Variants in PDE11A observed in about 807,000 individuals in gnomAD.
PDE11A encodes the protein phosphodiesterase 11A, also known as dual 3',5'-cyclic-AMP and -GMP phosphodiesterase 11A.
Under a neutral mutation model 100.5 loss-of-function variants are expected in PDE11A, and 100 were observed. The observed-to-expected ratio is 1.00, with a 90% CI of 0.85 to 1.18. The LOEUF is 1.18. Ranked by LOEUF, PDE11A falls within the 50% of genes most tolerant of loss-of-function variation. The probability of loss-of-function intolerance (pLI) is 0.00; values close to 1 mark genes in which losing one functional copy is unlikely to be tolerated. For missense variants in PDE11A, 1,141 were observed against 1,152.6 expected (o/e 0.99, Z 0.15); for synonymous variants, 381 against 420.8 (o/e 0.91, Z 1.16).
At chr2:177,707,521 C>G (rs561673011) in intron 13 of PDE11A, among the ~76,000 whole-genome samples, 4 of 152,260 alleles carry the variant, frequency 2.6e-5, no homozygotes, top group African/African-American at 9.6e-5. Context: ...CTCCGTTCTG[C>G]TTCTCTTTGA....
At chr2:177,882,165 C>T (rs1281042179) in intron 4 of PDE11A, among the ~76,000 whole-genome samples, 1 of 152,180 alleles carries the variant, frequency 6.6e-6, no homozygotes, top group East Asian at 1.9e-4. Flanking sequence ...CTTTCACGCT[C>T]ACAAGTGTCT....
chr2:177,646,414 T>C (rs1417143186), intron 19 of PDE11A, among the ~76,000 whole-genome samples: 1 of 152,238 alleles, frequency 6.6e-6, no homozygotes, highest in African/African-American at 2.4e-5. Context: ...CTTGGAGTTC[T>C]TCATATGTGA....
intron 4 of PDE11A, among the ~76,000 whole-genome samples, chr2:177,894,681 T>G (rs925419285): frequency 6.6e-6 from 1 of 152,110 alleles, no homozygotes; most frequent in Non-Finnish European, 1.5e-5. Flanking sequence ...ATATACCAAA[T>G]TATAAACAAG....
intron 2 of PDE11A, among the ~76,000 whole-genome samples, chr2:177,918,646 A>G (rs942533886): frequency 1.3e-5 from 2 of 152,224 alleles, no homozygotes; most frequent in Admixed American, 1.3e-4. Flanking sequence ...ATAGAGTCAC[A>G]GCTACAGAAG....
intron 2 of PDE11A, among the ~76,000 whole-genome samples, chr2:177,907,258 G>A (rs184539512): frequency 1.3e-5 from 2 of 152,106 alleles, no homozygotes; most frequent in Admixed American, 6.6e-5. Flanking sequence ...ATCTGTAAAT[G>A]CCAGGTTTAT....
intron 1 of PDE11A, among the ~76,000 whole-genome samples, chr2:178,105,381 C>T (rs949660311): frequency 1.3e-5 from 2 of 152,122 alleles, no homozygotes; most frequent in African/African-American, 2.4e-5. Context: ...ATTGCTTGAA[C>T]CTGGGAGGCG....
chr2:177,769,614 G>A (rs1462037224), intron 9 of PDE11A, among the ~76,000 whole-genome samples: 1 of 152,164 alleles, frequency 6.6e-6, no homozygotes, highest in African/African-American at 2.4e-5. Context: ...ATGGCCAGGT[G>A]CAGTGCTTCG....
intron 1 of PDE11A, among the ~76,000 whole-genome samples, chr2:178,046,726 T>C (rs1329690223): frequency 6.6e-6 from 1 of 152,182 alleles, no homozygotes; most frequent in Non-Finnish European, 1.5e-5. Flanking sequence ...AGATTCTCTT[T>C]ACTCTTCTCG....
At chr2:177,775,628 C>T (rs941478400) in intron 9 of PDE11A, among the ~76,000 whole-genome samples, 3 of 152,190 alleles carry the variant, frequency 2.0e-5, no homozygotes, top group Non-Finnish European at 4.4e-5. Context: ...CTGTCTTCTA[C>T]ACACTTGGCC....
intron 9 of PDE11A, among the ~76,000 whole-genome samples, chr2:177,788,875 T>G (rs890766968): frequency 1.3e-5 from 2 of 151,928 alleles, no homozygotes; most frequent in African/African-American, 4.8e-5. Context: ...AATAACAGGA[T>G]CTGAAATTGT....
chr2:177,659,329 A>C (rs1238393781), intron 19 of PDE11A, among the ~76,000 whole-genome samples: 1 of 151,828 alleles, frequency 6.6e-6, no homozygotes, highest in East Asian at 1.9e-4. Context: ...TGTAAATCTT[A>C]ACATTAGCAG....
At chr2:178,096,164 C>CTTT (rs1257178630) in intron 2 of PDE11A, among the ~76,000 whole-genome samples, 29 of 110,258 alleles carry the variant, frequency 2.6e-4, no homozygotes, top group African/African-American at 4.9e-4. Context: ...TTTTTCTTTT[C>CTTT]TTTTCTTTTT....
rs928647964 is a variant in PDE11A, at chr2:177,697,242, T to C, written c.2345+90A>G. Reference sequence around the variant, plus strand: ...CTGGTTTACACATTGATATCAATGCTAGAATAACAGGTAACCTCCAGTGTA... The same window carrying C: ...CTGGTTTACACATTGATATCAATGCCAGAATAACAGGTAACCTCCAGTGTA... On this transcript the variant is annotated intron_variant, in intron 15 of 19. Coordinates refer to ENST00000286063, the MANE Select transcript of PDE11A (RefSeq NM_016953.4). 5.2e-6 allele frequency: 4 copies of C among 768,146 alleles called. No individual in the cohort carries two copies. The Admixed American group carries it at 6.9e-5, about 13-fold the overall frequency. The allele number at this position is 768,146 out of a possible 1,614,324, so 47.6% of individuals were successfully genotyped here. A position where few individuals can be genotyped will look rare whatever the true frequency, so the allele number is the denominator to read the frequency against.
At chr2:177,844,964 C>A (rs910028590) in intron 5 of PDE11A, among the ~76,000 whole-genome samples, 3 of 151,466 alleles carry the variant, frequency 2.0e-5, no homozygotes, top group Non-Finnish European at 4.4e-5. Flanking sequence ...GGCAACCATC[C>A]GATTTCTCAA....
chr2:177,822,394 C>T lies in PDE11A; in HGVS notation c.1501-2099G>A, dbSNP rs542262676. ...CTGTGCCATCATTTTCATTAATCAA[C>T]TGTCCATATATATTTGGATCTGTTT... is the stretch of plus-strand genomic sequence containing the variant. On this transcript the variant is annotated intron_variant, in intron 6 of 19. Transcript: ENST00000286063. 1.6e-4 allele frequency among the ~76,000 whole-genome samples: 24 copies of T among 152,066 alleles called. No homozygotes were observed. In the South Asian group the frequency reaches 5.0e-3, roughly 32 times the overall value.
chr2:177,844,619 G>C (rs1248281005), intron 5 of PDE11A, among the ~76,000 whole-genome samples: 2 of 151,636 alleles, frequency 1.3e-5, no homozygotes, highest in East Asian at 3.9e-4. Context: ...GACAATAGTG[G>C]AGGGAAGGTC....
At chr2:177,816,778 C>T in intron 9 of PDE11A, 51 bp downstream of exon 9, 1 of 1,048,278 alleles carries the variant, frequency 9.5e-7, no homozygotes, top group Non-Finnish European at 1.5e-6. Context: ...TTTTTTCCCT[C>T]ATAAAATTAG....
chr2:178,033,791 C>G (rs1460694532), intron 1 of PDE11A, among the ~76,000 whole-genome samples: 1 of 152,078 alleles, frequency 6.6e-6, no homozygotes, highest in Non-Finnish European at 1.5e-5. Context: ...AATTTCATAC[C>G]CAGCCAAACT....
chr2:178,024,829 T>C (rs1384937142), intron 1 of PDE11A, among the ~76,000 whole-genome samples: 1 of 152,256 alleles, frequency 6.6e-6, no homozygotes, highest in African/African-American at 2.4e-5. Context: ...CTTACACTTA[T>C]GACTTATCAG....
Sources: gnomAD v4.1 joint callset for allele counts (sites outside exome capture counted in the v4.1 genomes callset) on GRCh38, gnomAD v4.1.1 for gene constraint, MANE v1.5 for transcripts, NCBI Gene and HGNC (gene_info 2026-07-23, HGNC 2026-07-21) for gene names.